The following SNX13 variants were observed in gnomAD, a reference collection of about 807,000 sequenced individuals.
SNX13 encodes the protein sorting nexin 13.
A neutral mutation model predicts 133.6 loss-of-function variants in SNX13; 45 were observed. The ratio of observed to expected loss-of-function variants is 0.34; its 90% CI spans 0.27 to 0.43. The LOEUF is 0.43. SNX13 is among the 20% of genes least tolerant of loss of function. The pLI is 1.00. For synonymous variants in SNX13, 414 were observed against 373.9 expected (o/e 1.11, Z -1.24); for missense variants, 1,032 against 1,145.1 (o/e 0.90, Z 1.43).
At chr7:17,803,643 A>G (rs1312218228) in intron 20 of SNX13, 63 bp from the exon 21 acceptor site, 1 of 1,437,638 alleles carries the variant, frequency 7.0e-7, no homozygotes, top group East Asian at 2.4e-5. Context: ...CCAAATGACA[A>G]GCCTTGGAAA....
Position 17,875,663 on chromosome 7 carries a change from T to C in SNX13, c.562+6A>G, listed in dbSNP as rs761654537. On this transcript the variant is annotated splice_donor_region_variant and intron_variant, in intron 6 of 25. Coordinates refer to ENST00000428135, the MANE Select transcript of SNX13 (RefSeq NM_015132.5). ...TCCTAGTTTTCAAATGGAATAAAGA[T>C]ATTACCTTTCACTTGATCATCTTTC... The C allele has an allele frequency of 1.9e-6, 3 of 1,608,858 alleles. No homozygotes were observed. The highest frequency in any genetic ancestry group is 2.2e-5 in the East Asian group (1 of 44,788).
At chr7:17,907,548 C>T (rs1026741607) in intron 1 of SNX13, among the ~76,000 whole-genome samples, 2 of 152,084 alleles carry the variant, frequency 1.3e-5, no homozygotes, top group Non-Finnish European at 2.9e-5. Context: ...ACAGAAATAT[C>T]TGGAATCAGG....
At chr7:17,863,007 G>A (rs761032287) in intron 9 of SNX13, among the ~76,000 whole-genome samples, 1 of 152,148 alleles carries the variant, frequency 6.6e-6, no homozygotes, top group Non-Finnish European at 1.5e-5. Context: ...GCACAGCACA[G>A]AAAGAGAATC....
At chr7:17,876,821 T>C (rs1376414010) in intron 5 of SNX13, among the ~76,000 whole-genome samples, 4 of 152,020 alleles carry the variant, frequency 2.6e-5, no homozygotes, top group African/African-American at 9.7e-5. Context: ...TTTATATCTC[T>C]CCTTGGATTG....
chr7:17,920,974 A>G (rs185695491), intron 1 of SNX13, among the ~76,000 whole-genome samples: 1 of 152,320 alleles, frequency 6.6e-6, no homozygotes, highest in Admixed American at 6.5e-5. Flanking sequence ...CAAGCAGCGC[A>G]CTGGAGTGAG....
chr7:17,910,211 T>G (rs1798815631), intron 1 of SNX13, among the ~76,000 whole-genome samples: 1 of 152,180 alleles, frequency 6.6e-6, no homozygotes, highest in Admixed American at 6.6e-5. Context: ...ACCTCCAAAA[T>G]CATTCCCATA....
intron 7 of SNX13, 140 bp downstream of exon 7, chr7:17,875,335 TTACAA>T (rs1794599485): frequency 3.3e-6 from 2 of 598,650 alleles, no homozygotes; most frequent in African/African-American, 3.8e-5. Context: ...CTTTTAAGAG[TTACAA>T]AATAAAATAA....
chr7:17,816,878 C>T (rs1786721343), intron 18 of SNX13, among the ~76,000 whole-genome samples: 1 of 152,084 alleles, frequency 6.6e-6, no homozygotes, highest in South Asian at 2.1e-4. Flanking sequence ...ATTTAATATT[C>T]TCCCTAATAT....
chr7:17,801,558 T>G (rs1287256748), intron 22 of SNX13, 30 bp downstream of exon 22: 5 of 1,563,768 alleles, frequency 3.2e-6, no homozygotes, highest in Non-Finnish European at 4.4e-6. Context: ...TGACTTAAAC[T>G]AAATACTACC....
chr7:17,807,273 G>A (rs1248559873), intron 20 of SNX13, among the ~76,000 whole-genome samples: 1 of 152,072 alleles, frequency 6.6e-6, no homozygotes, highest in Non-Finnish European at 1.5e-5. Context: ...TTGGTGGGGG[G>A]AGGGGCGCCC....
At chr7:17,808,750 A>T (rs866049565) in intron 20 of SNX13, among the ~76,000 whole-genome samples, 1 of 152,232 alleles carries the variant, frequency 6.6e-6, no homozygotes, top group Non-Finnish European at 1.5e-5. Flanking sequence ...GACTAACAGC[A>T]GATCTCTTGG....
At chr7:17,887,874 T>G (rs1431324363) in intron 5 of SNX13, among the ~76,000 whole-genome samples, 1 of 151,282 alleles carries the variant, frequency 6.6e-6, no homozygotes, top group Non-Finnish European at 1.5e-5. Flanking sequence ...AAACCACAGT[T>G]TTTTTCCAGG....
In SNX13 at chr7:17,814,897, G is replaced by A; in HGVS notation, c.2001C>T (p.His667=). The A allele has an allele frequency of 6.5e-7, 1 of 1,541,638 alleles. No individual in the cohort carries two copies. Among genetic ancestry groups the A allele is most frequent in the Non-Finnish European group, 8.7e-7 (1 of 1,152,120 alleles). Residue 667 remains histidine (H), a synonymous_variant, in exon 20 of 26, where the codon CAC becomes CAT. Transcript: ENST00000428135. ...EMMKASPALA[H]YVYDFLENKA... ...TGTTCTCAAGGAAATCATACACATA[G>A]TGAGCTAAAGCGGGGGATGCCTTCA...
chr7:17,879,172 T>C (rs73081382), intron 5 of SNX13, among the ~76,000 whole-genome samples: 7,881 of 152,326 alleles, frequency 0.052, 216 homozygotes, highest in South Asian at 0.1. Context: ...AAGGCACAGA[T>C]TGACTGTGTC....
chr7:17,896,262 T>C (rs912019559), intron 2 of SNX13, among the ~76,000 whole-genome samples: 4 of 152,182 alleles, frequency 2.6e-5, no homozygotes, highest in African/African-American at 9.7e-5. Context: ...GTACACAGTA[T>C]CGTATCTAGG....
chr7:17,809,021 A>G (rs1333057842), intron 20 of SNX13, among the ~76,000 whole-genome samples: 1 of 152,158 alleles, frequency 6.6e-6, no homozygotes, highest in Non-Finnish European at 1.5e-5. Context: ...TGTAAAGACC[A>G]TCGATGCTAG....
chr7:17,799,252 CAG>C (rs2128284608), intron 22 of SNX13, 98 bp from the exon 23 acceptor site: 1 of 1,029,548 alleles, frequency 9.7e-7, no homozygotes, highest in African/African-American at 1.7e-5. Context: ...TTTCACAAGT[CAG>C]AGAACAAGTT....
intron 11 of SNX13, 46 bp from the exon 12 acceptor site, chr7:17,845,740 A>G (rs767617138): frequency 7.9e-7 from 1 of 1,269,488 alleles, no homozygotes. Context: ...CTAATCATTC[A>G]TTGTTAAAGA....
In SNX13 at chr7:17,794,172, A is replaced by G. The variant is rs756038287; in HGVS notation, c.2747T>C (p.Leu916Ser). ...RMVYVFLEGF[L>S]ETLFPQYKFR... The stretch of plus-strand genomic sequence containing the variant: ...TTTATACTGTGGAAATAAGGTTTCT[A>G]AAAAGCCTTCCAAGAAGACATAAAC... The change falls in exon 26 of 26, where the codon TTA (leucine) becomes TCA (serine). Residue 916 changes from leucine to serine, a missense_variant. Transcript: ENST00000428135. The G allele has an allele frequency of 1.2e-6, 2 of 1,611,616 alleles. No homozygotes were observed. Among genetic ancestry groups the G allele is most frequent in the Non-Finnish European group, 1.7e-6 (2 of 1,178,454 alleles).
Sources: gnomAD v4.1 joint callset for allele counts (sites outside exome capture counted in the v4.1 genomes callset) on GRCh38, gnomAD v4.1.1 for gene constraint, MANE v1.5 for transcripts, NCBI Gene and HGNC (gene_info 2026-07-23, HGNC 2026-07-21) for gene names.